The following EFNA5 variants were observed in gnomAD, a reference collection of about 807,000 sequenced individuals.
EFNA5 encodes the protein ephrin A5.
Under a neutral mutation model 22.9 loss-of-function variants are expected in EFNA5, and 5 were observed. The observed-to-expected ratio is 0.22, with a 90% CI of 0.11 to 0.46. The LOEUF (loss-of-function observed/expected upper bound fraction) is 0.46, where lower values mean the gene tolerates loss of function less well. Among genes scored for constraint, EFNA5 ranks in the 20% least tolerant of loss-of-function variants. The probability of loss-of-function intolerance (pLI) is 0.99; values close to 1 mark genes in which losing one functional copy is unlikely to be tolerated. For missense variants in EFNA5, 237 were observed against 293.3 expected, an observed-to-expected ratio of 0.81 and a Z score of 1.40; for synonymous variants, 113 against 112.2, an observed-to-expected ratio of 1.01 and a Z score of -0.04.
intron 2 of EFNA5, among the ~76,000 whole-genome samples, chr5:107,418,883 C>T (rs1264707855): frequency 6.6e-6 from 1 of 152,166 alleles, no homozygotes; most frequent in Non-Finnish European, 1.5e-5. Flanking sequence ...TTCTTTTAAA[C>T]AGGAGTTAAA....
intron 1 of EFNA5, among the ~76,000 whole-genome samples, chr5:107,529,398 A>C (rs1405286684): frequency 2.6e-5 from 4 of 152,100 alleles, no homozygotes; most frequent in African/African-American, 7.2e-5. Flanking sequence ...CGTAGCCCAA[A>C]AAAACCAACT....
At chr5:107,568,441 G>A (rs988511839) in intron 1 of EFNA5, among the ~76,000 whole-genome samples, 2 of 152,208 alleles carry the variant, frequency 1.3e-5, no homozygotes, top group African/African-American at 4.8e-5. Context: ...TGCCTAGGCA[G>A]GTAGTGGAGG....
At chr5:107,564,086 G>A (rs1046042362) in intron 1 of EFNA5, among the ~76,000 whole-genome samples, 7 of 152,140 alleles carry the variant, frequency 4.6e-5, no homozygotes, top group Non-Finnish European at 1.0e-4. Context: ...GCCTGCAGAG[G>A]GGATGGGCAG....
At chr5:107,399,560 T>G (rs1748032205) in intron 2 of EFNA5, among the ~76,000 whole-genome samples, 1 of 152,152 alleles carries the variant, frequency 6.6e-6, no homozygotes, top group Non-Finnish European at 1.5e-5. Flanking sequence ...AGAATCCAAG[T>G]GACCATGGGC....
Position 107,481,702 on chromosome 5 carries a change from T to G in EFNA5, c.126-54193A>C, listed in dbSNP as rs112917389. On this transcript the variant is annotated intron_variant, in intron 1 of 4. Coordinates refer to ENST00000333274, the MANE Select transcript of EFNA5 (RefSeq NM_001962.3). ...TGTCTCTGCTAAAGATAACACAAAT[T>G]AGTTGGGTGTGGTGGCACACACCTG... Among the ~76,000 whole-genome samples, 178 of 151,490 alleles carry G rather than the reference T, an allele frequency of 1.2e-3. 2 individuals are homozygous for G. The highest frequency in any genetic ancestry group is 4.2e-3 in the African/African-American group (175 of 41,278).
At chr5:107,464,025 C>A (rs1057295272) in intron 1 of EFNA5, among the ~76,000 whole-genome samples, 5 of 152,086 alleles carry the variant, frequency 3.3e-5, no homozygotes, top group Middle Eastern at 3.2e-3. Context: ...TTTCAAAGCC[C>A]AGGAGAGCTT....
chr5:107,468,496 C>T (rs1453795257), intron 1 of EFNA5, among the ~76,000 whole-genome samples: 1 of 152,170 alleles, frequency 6.6e-6, no homozygotes, highest in Non-Finnish European at 1.5e-5. Flanking sequence ...ATCATTGAAA[C>T]GTCCATTCTG....
chr5:107,540,678 AT>A (rs1469975607), intron 1 of EFNA5, among the ~76,000 whole-genome samples: 3 of 152,246 alleles, frequency 2.0e-5, no homozygotes, highest in East Asian at 3.8e-4. Context: ...GTAAGAACTT[AT>A]CAAAAGCATT....
At chr5:107,417,091 A>C (rs960627632) in intron 2 of EFNA5, among the ~76,000 whole-genome samples, 1 of 152,162 alleles carries the variant, frequency 6.6e-6, no homozygotes, top group Admixed American at 6.6e-5. Context: ...AACAATATAC[A>C]TTCTTCTTAA....
intron 1 of EFNA5, among the ~76,000 whole-genome samples, chr5:107,501,863 T>C (rs1747144194): frequency 1.3e-5 from 2 of 152,190 alleles, no homozygotes; most frequent in Non-Finnish European, 2.9e-5. Context: ...GTCAAAATAA[T>C]AGAACTAGAT....
chr5:107,454,890 G>C (rs930471188), intron 1 of EFNA5, among the ~76,000 whole-genome samples: 1 of 152,140 alleles, frequency 6.6e-6, no homozygotes, highest in Non-Finnish European at 1.5e-5. Context: ...ACAAGAGCAA[G>C]AGCAAGTAGA....
At position 107,380,743 on chromosome 5, in the gene EFNA5, T is replaced by TCC. The variant is rs1324391770; in HGVS notation, c.*510_*511dup. The TCC allele has an allele frequency of 2.5e-6, 1 of 399,302 alleles. No homozygotes were observed. Among genetic ancestry groups the TCC allele is most frequent in the Non-Finnish European group, 4.4e-6 (1 of 226,666 alleles). The allele number at this position is 399,302 out of a possible 1,614,324, so 24.7% of individuals were successfully genotyped here. A position where few individuals can be genotyped will look rare whatever the true frequency, so the allele number is the denominator to read the frequency against. On this transcript the variant is annotated 3_prime_UTR_variant, in exon 5 of 5. Transcript: ENST00000333274. ...TAATATCGTATCTATTCTTAATACC[T>TCC]CCCCTCCGGACCTGACATGGTGACA...
At chr5:107,595,725 G>A (rs1219848224) in intron 1 of EFNA5, among the ~76,000 whole-genome samples, 1 of 152,166 alleles carries the variant, frequency 6.6e-6, no homozygotes, top group African/African-American at 2.4e-5. Context: ...TTCGGAATCA[G>A]ACAGACCCAG....
chr5:107,540,854 A>G (rs1748030916), intron 1 of EFNA5, among the ~76,000 whole-genome samples: 1 of 152,218 alleles, frequency 6.6e-6, no homozygotes, highest in African/African-American at 2.4e-5. Flanking sequence ...GCAGTGGCCC[A>G]TGCCTGTAAT....
At chr5:107,473,975 T>C (rs1716235710) in intron 1 of EFNA5, among the ~76,000 whole-genome samples, 1 of 152,098 alleles carries the variant, frequency 6.6e-6, no homozygotes, top group South Asian at 2.1e-4. Flanking sequence ...GACTTTAACA[T>C]CCACATAGCA....
At chr5:107,557,805 T>G (rs1402847759) in intron 1 of EFNA5, among the ~76,000 whole-genome samples, 5 of 152,218 alleles carry the variant, frequency 3.3e-5, no homozygotes, top group Non-Finnish European at 2.9e-5. Flanking sequence ...GTTTTTACCT[T>G]TGAATAATCT....
intron 1 of EFNA5, among the ~76,000 whole-genome samples, chr5:107,641,421 G>A (rs540302920): frequency 3.9e-4 from 59 of 152,064 alleles, no homozygotes; most frequent in Admixed American, 4.6e-4. Context: ...TCCTTGTGTC[G>A]GAGAAAATGA....
At chr5:107,479,011 A>T (rs1344917097) in intron 1 of EFNA5, among the ~76,000 whole-genome samples, 1 of 152,224 alleles carries the variant, frequency 6.6e-6, no homozygotes, top group Non-Finnish European at 1.5e-5. Flanking sequence ...GCTCAATTTA[A>T]GAAAGTAATT....
intron 1 of EFNA5, among the ~76,000 whole-genome samples, chr5:107,660,275 T>A (rs756841417): frequency 0.038 from 1,168 of 30,470 alleles, 33 homozygotes; most frequent in East Asian, 0.098. Context: ...TATATATATA[T>A]ATATATATAT....
Sources: gnomAD v4.1 joint callset for allele counts (sites outside exome capture counted in the v4.1 genomes callset) on GRCh38, gnomAD v4.1.1 for gene constraint, MANE v1.5 for transcripts, NCBI Gene and HGNC (gene_info 2026-07-23, HGNC 2026-07-21) for gene names.